The following ACBD5 variants were observed in gnomAD, a reference collection of about 807,000 sequenced individuals.
ACBD5 encodes the protein acyl-CoA-binding domain-containing protein 5.
In ACBD5, 40 loss-of-function variants were observed where a neutral mutation model predicts 71.8. The ratio of observed to expected loss-of-function variants is 0.56; its 90% CI spans 0.43 to 0.72. The LOEUF (loss-of-function observed/expected upper bound fraction) is 0.72, where lower values mean the gene tolerates loss of function less well. ACBD5 is among the 30% of genes least tolerant of loss of function. The pLI, the probability that ACBD5 is intolerant of heterozygous loss-of-function variation, is 0.00. For missense variants in ACBD5, 559 were observed against 644.5 expected (o/e 0.87, Z 1.44); for synonymous variants, 229 against 218.6 (o/e 1.05, Z -0.42).
intron 12 of ACBD5, among the ~76,000 whole-genome samples, chr10:27,199,846 G>A (rs2059729340): frequency 6.6e-6 from 1 of 152,114 alleles, no homozygotes; most frequent in African/African-American, 2.4e-5. Flanking sequence ...AAACAAATTA[G>A]CCGGGCGTGG....
In ACBD5 at chr10:27,196,171, G is replaced by C. The variant is rs1183319078; in HGVS notation, c.*1259C>G. ...GCCAAGATCACGCCATTGCCCTCCAGCCTGGGCAACAAGAGAGAAACTCCA... is the reference window on the plus strand; with the variant it reads ...GCCAAGATCACGCCATTGCCCTCCACCCTGGGCAACAAGAGAGAAACTCCA... On this transcript the variant is annotated 3_prime_UTR_variant, in exon 13 of 13. Coordinates refer to ENST00000396271, the MANE Select transcript of ACBD5 (RefSeq NM_145698.5). 2.2e-6 allele frequency: 1 copy of C among 453,710 alleles called. No individual in the cohort carries two copies. The highest frequency in any genetic ancestry group is 2.4e-5 in the Admixed American group (1 of 42,500). 28.1% of individuals were successfully genotyped at this position (453,710 alleles called of 1,614,324 possible). A position where few individuals can be genotyped will look rare whatever the true frequency, so the allele number is the denominator to read the frequency against.
Position 27,210,744 on chromosome 10 carries a change from C to A in ACBD5, c.1204+70G>T, listed in dbSNP as rs117615378. On this transcript the variant is annotated intron_variant, in intron 9 of 12. Coordinates refer to ENST00000396271, the MANE Select transcript of ACBD5 (RefSeq NM_145698.5). ...CCGCACACCAGCCTGGGCGACAGAG[C>A]GCGAGACTCCATCTCAAAAATAAGT... 0.017 allele frequency: 27,809 copies of A among 1,601,382 alleles called. 1,869 individuals are homozygous for A. The highest frequency in any genetic ancestry group is 0.17 in the East Asian group (7,438 of 44,706).
intron 4 of ACBD5, among the ~76,000 whole-genome samples, chr10:27,231,376 G>A (rs2063834592): frequency 6.6e-6 from 1 of 152,296 alleles, no homozygotes; most frequent in Middle Eastern, 3.4e-3. Flanking sequence ...AATTAGCTGG[G>A]TGTAGTGGTG....
intron 4 of ACBD5, among the ~76,000 whole-genome samples, chr10:27,224,193 C>T (rs2062721559): frequency 7.1e-6 from 1 of 140,792 alleles, no homozygotes; most frequent in Non-Finnish European, 1.5e-5. Flanking sequence ...TAGTAAGGGC[C>T]CATTTCTACA....
intron 4 of ACBD5, among the ~76,000 whole-genome samples, chr10:27,224,270 G>A (rs944958765): frequency 4.0e-5 from 6 of 151,770 alleles, no homozygotes; most frequent in African/African-American, 7.3e-5. Context: ...CCAGCTACTC[G>A]GGAGGCTGAG....
At position 27,223,441 on chromosome 10, in the gene ACBD5, A is replaced by C; in HGVS notation, c.387T>G (p.Thr129=). The C allele has an allele frequency of 6.2e-7, 1 of 1,611,762 alleles. No homozygotes were observed. The highest frequency in any genetic ancestry group is 8.5e-7 in the Non-Finnish European group (1 of 1,178,668). The change falls in exon 5 of 13, where the codon ACT becomes ACG. Residue 129 remains threonine, a synonymous_variant. Transcript: ENST00000396271. ...CTTCAACTTTCTCAGTCATTGGCAT[A>C]GTTTCAATAATCTGTAATCAAAAGA... is the stretch of plus-strand genomic sequence containing the variant. The part of the protein sequence containing the change: ...YVEEMKKIIE[T]MPMTEKVEEL...
intron 12 of ACBD5, among the ~76,000 whole-genome samples, chr10:27,202,978 T>TG: frequency 7.6e-6 from 1 of 130,798 alleles, no homozygotes; most frequent in East Asian, 2.2e-4. Flanking sequence ...TCTTTTTTTT[T>TG]TTTTTTTTTT....
intron 13 of ACBD5, among the ~76,000 whole-genome samples, chr10:27,189,735 T>C (rs1301573162): frequency 6.6e-6 from 1 of 150,544 alleles, no homozygotes; most frequent in Non-Finnish European, 1.5e-5. Flanking sequence ...CTGCACGTTG[T>C]GCACATGTAC....
At chr10:27,216,422 T>A (rs2061636526) in intron 7 of ACBD5, among the ~76,000 whole-genome samples, 1 of 152,162 alleles carries the variant, frequency 6.6e-6, no homozygotes, top group South Asian at 2.1e-4. Flanking sequence ...ATTACAGGCA[T>A]GAATCACCGC....
At chr10:27,223,074 G>T in intron 5 of ACBD5, 1 of 651,900 alleles carries the variant, frequency 1.5e-6, no homozygotes, top group Admixed American at 2.7e-5. Flanking sequence ...ATAATGTTTT[G>T]GAACTTCATA....
chr10:27,202,781 C>G (rs1302918227), intron 12 of ACBD5, among the ~76,000 whole-genome samples: 1 of 152,046 alleles, frequency 6.6e-6, no homozygotes, highest in African/African-American at 2.4e-5. Flanking sequence ...CCATAAGCAG[C>G]AGTGGCACTG....
At chr10:27,241,671 G>A (rs974834018), upstream of ACBD5, among the ~76,000 whole-genome samples, 1 of 58,462 alleles carries the variant, frequency 1.7e-5, no homozygotes, top group Non-Finnish European at 3.3e-5. Flanking sequence ...AGTTCAAGAC[G>A]AGCCTGGCAA....
At chr10:27,186,346 TATC>T (rs2058748881) in intron 13 of ACBD5, 3 of 1,593,172 alleles carry the variant, frequency 1.9e-6, no homozygotes, top group South Asian at 1.1e-5. Context: ...TAGGTAATGA[TATC>T]ATACTGTTTT....
In ACBD5 at chr10:27,223,461, AAAAG is replaced by A. The variant is rs774155428; in HGVS notation, c.376-13_376-10del. 5.0e-6 allele frequency: 8 copies of A among 1,587,316 alleles called. No homozygotes were observed. Among genetic ancestry groups the A allele is most frequent in the Non-Finnish European group, 6.9e-6 (8 of 1,157,906 alleles). Reference sequence around the variant, plus strand: ...GGCATAGTTTCAATAATCTGTAATCAAAAGAAACAAATATTGTGAAATCACAAAC... The same window carrying A: ...GGCATAGTTTCAATAATCTGTAATCAAAACAAATATTGTGAAATCACAAAC... On this transcript the variant is annotated splice_polypyrimidine_tract_variant and intron_variant, in intron 4 of 12. Coordinates refer to ENST00000396271, the MANE Select transcript of ACBD5 (RefSeq NM_145698.5).
intron 13 of ACBD5, chr10:27,186,656 C>T: frequency 1.1e-6 from 1 of 938,682 alleles, no homozygotes; most frequent in Non-Finnish European, 1.7e-6. Context: ...GTTCAATGTG[C>T]TTTTAATGTA....
intron 10 of ACBD5, among the ~76,000 whole-genome samples, chr10:27,207,795 T>C (rs911313062): frequency 4.6e-5 from 7 of 152,160 alleles, no homozygotes; most frequent in African/African-American, 1.4e-4. Context: ...CGTGTAGTAG[T>C]GTGATCTCGG....
Position 27,210,683 on chromosome 10 carries a change from G to T in ACBD5, c.1204+131C>A, listed in dbSNP as rs995205353. On this transcript the variant is annotated intron_variant, in intron 9 of 12. Coordinates refer to ENST00000396271, the MANE Select transcript of ACBD5 (RefSeq NM_145698.5). The stretch of plus-strand genomic sequence containing the variant: ...TGAGGCAGGAGAATCACTTGAACCC[G>T]GGAGGCAGAGGTTGCAGTGAGCCGA... 2.5e-6 allele frequency: 3 copies of T among 1,195,212 alleles called. No homozygotes were observed. In the East Asian group the frequency reaches 7.7e-5, roughly 31 times the overall value. The allele number at this position is 1,195,212 out of a possible 1,614,324, so 74.0% of individuals were successfully genotyped here. A position where few individuals can be genotyped will look rare whatever the true frequency, so the allele number is the denominator to read the frequency against.
chr10:27,211,065 G>A lies in ACBD5; in HGVS notation c.953C>T (p.Thr318Met), dbSNP rs750290127. Residue 318 changes from threonine to methionine, a missense_variant, in exon 9 of 13, where the codon ACG becomes ATG. By Grantham distance (81) the Thr-to-Met change is moderately conservative. Coordinates refer to ENST00000396271, the MANE Select transcript of ACBD5 (RefSeq NM_145698.5). Reference sequence around the variant, plus strand: ...ATACTGAAATGGTCCATTGTTGGACGTAAAGCTGTCTAAAGACTACAAATT... The same window carrying A: ...ATACTGAAATGGTCCATTGTTGGACATAAAGCTGTCTAAAGACTACAAATT... Reference protein sequence around the residue: ...FGQEESLDSFTSNNGPFQYYL... With the variant: ...FGQEESLDSFMSNNGPFQYYL... 18 of 1,613,938 alleles carry A rather than the reference G, an allele frequency of 1.1e-5. No homozygotes were observed. The African/African-American group carries it at 1.5e-4, about 13-fold the overall frequency.
intron 6 of ACBD5, among the ~76,000 whole-genome samples, chr10:27,219,065 G>A (rs1462335980): frequency 6.6e-6 from 1 of 152,064 alleles, no homozygotes; most frequent in East Asian, 1.9e-4. Flanking sequence ...ACTTTGGGAG[G>A]CCGAGGTGAG....
Sources: gnomAD v4.1 joint callset for allele counts (sites outside exome capture counted in the v4.1 genomes callset) on GRCh38, gnomAD v4.1.1 for gene constraint, MANE v1.5 for transcripts, NCBI Gene and HGNC (gene_info 2026-07-23, HGNC 2026-07-21) for gene names.